FHIT: variants seen among roughly 807,000 people sequenced by gnomAD.
FHIT encodes bis(5'-adenosyl)-triphosphatase.
Under a neutral mutation model 17.9 loss-of-function variants are expected in FHIT, and 19 were observed. The ratio of observed to expected loss-of-function variants is 1.06; its 90% CI spans 0.74 to 1.56. The LOEUF (loss-of-function observed/expected upper bound fraction) is 1.56. FHIT is among the 40% of genes most tolerant of loss of function. The pLI is 0.00. For synonymous variants in FHIT, 81 were observed against 69.7 expected (o/e 1.16, Z -0.81); for missense variants, 248 against 189.2 (o/e 1.31, Z -1.82).
intron 5 of FHIT, among the ~76,000 whole-genome samples, chr3:60,309,384 C>A (rs6763641): frequency 0.14 from 20,807 of 151,888 alleles, 1,509 homozygotes; most frequent in African/African-American, 0.17. Flanking sequence ...AACCTCAAAC[C>A]AGTGGTCCAA....
intron 7 of FHIT, among the ~76,000 whole-genome samples, chr3:59,957,340 C>G (rs1217650260): frequency 6.6e-6 from 1 of 152,222 alleles, no homozygotes; most frequent in Non-Finnish European, 1.5e-5. Flanking sequence ...AAGAAGGTGG[C>G]TAGCTGGATG....
intron 5 of FHIT, among the ~76,000 whole-genome samples, chr3:60,291,486 C>T (rs1265133763): frequency 1.3e-5 from 2 of 151,874 alleles, no homozygotes; most frequent in African/African-American, 4.8e-5. Context: ...GCCTCCATGT[C>T]GGACATGCCT....
At chr3:61,043,812 C>T (rs1415987967) in intron 2 of FHIT, among the ~76,000 whole-genome samples, 2 of 152,148 alleles carry the variant, frequency 1.3e-5, no homozygotes, top group Non-Finnish European at 2.9e-5. Flanking sequence ...CAACATTTGC[C>T]ATTCTGCAAT....
chr3:60,678,775 A>T (rs1409904224), intron 4 of FHIT, among the ~76,000 whole-genome samples: 1 of 152,176 alleles, frequency 6.6e-6, no homozygotes, highest in Non-Finnish European at 1.5e-5. Flanking sequence ...GAGTGGCTCC[A>T]GCCTGGGCAT....
At chr3:60,548,943 C>A (rs1208523180) in intron 4 of FHIT, among the ~76,000 whole-genome samples, 1 of 152,180 alleles carries the variant, frequency 6.6e-6, no homozygotes, top group Non-Finnish European at 1.5e-5. Context: ...ATCTTCTTTC[C>A]AATTCATTTT....
intron 4 of FHIT, among the ~76,000 whole-genome samples, chr3:60,649,859 A>G (rs995459931): frequency 2.0e-5 from 3 of 152,214 alleles, no homozygotes; most frequent in Non-Finnish European, 2.9e-5. Context: ...ATAGCAGGGT[A>G]GCAGCAGTTA....
At chr3:60,835,880 G>C (rs1702521866) in intron 3 of FHIT, among the ~76,000 whole-genome samples, 1 of 152,168 alleles carries the variant, frequency 6.6e-6, no homozygotes, top group Non-Finnish European at 1.5e-5. Flanking sequence ...CTCCCATCGT[G>C]TTGGGATGAC....
intron 5 of FHIT, among the ~76,000 whole-genome samples, chr3:60,383,037 C>G (rs1339259525): frequency 2.0e-5 from 3 of 152,146 alleles, no homozygotes; most frequent in Non-Finnish European, 4.4e-5. Context: ...AAAACAAACT[C>G]TACTTAGTAG....
rs563446749 is a variant in FHIT at position 60,264,137 on chromosome 3, C to G, written c.104-249985G>C. 3.9e-5 allele frequency among the ~76,000 whole-genome samples: 6 copies of G among 152,022 alleles called. No homozygotes were observed. In the South Asian group the frequency reaches 1.2e-3, roughly 32 times the overall value. On this transcript the variant is annotated intron_variant, in intron 5 of 9. Transcript: ENST00000492590. ...TTAGAGATGGATCCAAAGAGAAAGC[C>G]TTTCACCAAAATCTCCATTCAGCCT...
chr3:59,889,149 C>T (rs1156663868), intron 8 of FHIT, among the ~76,000 whole-genome samples: 1 of 152,188 alleles, frequency 6.6e-6, no homozygotes, highest in Non-Finnish European at 1.5e-5. Flanking sequence ...CTCAGTAATA[C>T]CCTTTGTCTT....
intron 8 of FHIT, among the ~76,000 whole-genome samples, chr3:59,764,038 A>C (rs1278790878): frequency 6.6e-6 from 1 of 152,194 alleles, no homozygotes; most frequent in African/African-American, 2.4e-5. Context: ...CTGAAGGTAG[A>C]AAGGCCGTCC....
chr3:59,996,193 T>C (rs781174787), intron 7 of FHIT, among the ~76,000 whole-genome samples: 14 of 151,972 alleles, frequency 9.2e-5, no homozygotes, highest in Non-Finnish European at 1.6e-4. Context: ...GCAGGGGGTA[T>C]TATTATTCCA....
chr3:60,860,035 T>C (rs535895816), intron 3 of FHIT, among the ~76,000 whole-genome samples: 4 of 149,054 alleles, frequency 2.7e-5, no homozygotes, highest in African/African-American at 7.3e-5. Context: ...GAAGTGGGAC[T>C]ACATCTCAAA....
chr3:60,296,722 G>C (rs1313840943), intron 5 of FHIT, among the ~76,000 whole-genome samples: 1 of 151,808 alleles, frequency 6.6e-6, no homozygotes, highest in Non-Finnish European at 1.5e-5. Flanking sequence ...AGAACCCTTT[G>C]CCTAGACATA....
intron 4 of FHIT, among the ~76,000 whole-genome samples, chr3:60,638,495 G>A (rs1476984412): frequency 2.6e-5 from 4 of 152,132 alleles, no homozygotes; most frequent in Non-Finnish European, 5.9e-5. Flanking sequence ...ATACTTTGAA[G>A]CACATTAGAA....
intron 3 of FHIT, among the ~76,000 whole-genome samples, chr3:60,903,296 T>C (rs1364602804): frequency 2.6e-5 from 4 of 152,234 alleles, no homozygotes. Flanking sequence ...ATTTCTTGAG[T>C]ATATTCTTGT....
At chr3:59,833,090 T>G (rs1701221012) in intron 8 of FHIT, among the ~76,000 whole-genome samples, 1 of 152,164 alleles carries the variant, frequency 6.6e-6, no homozygotes, top group Non-Finnish European at 1.5e-5. Flanking sequence ...ATATGACATA[T>G]TAAGTAATAG....
chr3:60,792,909 G>GT (rs1700834655), intron 4 of FHIT, among the ~76,000 whole-genome samples: 2 of 150,752 alleles, frequency 1.3e-5, no homozygotes, highest in Non-Finnish European at 2.9e-5. Context: ...AAGAACTTGT[G>GT]TAATACATTA....
intron 7 of FHIT, among the ~76,000 whole-genome samples, chr3:59,944,795 A>C (rs1217258221): frequency 6.6e-6 from 1 of 152,046 alleles, no homozygotes; most frequent in African/African-American, 2.4e-5. Flanking sequence ...TTCTGTTCCT[A>C]TGTTAATTTG....
Sources: gnomAD v4.1 joint callset for allele counts (sites outside exome capture counted in the v4.1 genomes callset) on GRCh38, gnomAD v4.1.1 for gene constraint, MANE v1.5 for transcripts, NCBI Gene and HGNC (gene_info 2026-07-23, HGNC 2026-07-21) for gene names.